Variants in CADM2 observed in about 807,000 individuals in gnomAD.
CADM2 encodes cell adhesion molecule 2.
A neutral mutation model predicts 49.8 loss-of-function variants in CADM2; 12 were observed. That is an observed-to-expected ratio of 0.24 (90% CI 0.15 to 0.39). The LOEUF (loss-of-function observed/expected upper bound fraction) is 0.39. Among genes scored for constraint, CADM2 ranks in the 10% least tolerant of loss-of-function variants. CADM2 has a pLI of 1.00. For synonymous variants in CADM2, 214 were observed against 175.4 expected (o/e 1.22, Z -1.74); for missense variants, 378 against 492.3 (o/e 0.77, Z 2.20).
chr3:85,165,259 CTG>C (rs2040438842), intron 1 of CADM2, among the ~76,000 whole-genome samples: 1 of 151,872 alleles, frequency 6.6e-6, no homozygotes, highest in Non-Finnish European at 1.5e-5. Context: ...CTCCATCTCT[CTG>C]TGAGACGATA....
At chr3:85,096,919 C>CT in intron 1 of CADM2, among the ~76,000 whole-genome samples, 1 of 151,996 alleles carries the variant, frequency 6.6e-6, no homozygotes, top group Admixed American at 6.6e-5. Context: ...TTAGTTTTAC[C>CT]TTTTATGTTT....
At chr3:85,243,729 G>GA (rs1174779726) in intron 1 of CADM2, among the ~76,000 whole-genome samples, 2 of 151,986 alleles carry the variant, frequency 1.3e-5, no homozygotes, top group East Asian at 3.9e-4. Flanking sequence ...TAATAAAGGA[G>GA]AAAAAATTAA....
intron 3 of CADM2, among the ~76,000 whole-genome samples, chr3:85,806,198 GGAAGGAAA>G (rs2072407714): frequency 6.6e-6 from 1 of 150,458 alleles, no homozygotes; most frequent in Non-Finnish European, 1.5e-5. Flanking sequence ...GAGGAAGGAA[GGAAGGAAA>G]GAAGGAAGGA....
intron 1 of CADM2, among the ~76,000 whole-genome samples, chr3:85,078,136 G>A (rs919680912): frequency 6.6e-6 from 1 of 151,976 alleles, no homozygotes; most frequent in Non-Finnish European, 1.5e-5. Context: ...CATTTAGTAA[G>A]GGATAAATGG....
intron 7 of CADM2, among the ~76,000 whole-genome samples, chr3:85,939,380 C>T (rs888888864): frequency 2.6e-5 from 4 of 151,576 alleles, no homozygotes; most frequent in South Asian, 4.2e-4. Flanking sequence ...TTTCAAGTCC[C>T]CAGAGTTTTT....
chr3:85,830,867 G>C (rs928502078), intron 3 of CADM2, among the ~76,000 whole-genome samples: 15 of 150,218 alleles, frequency 1.0e-4, no homozygotes, highest in Non-Finnish European at 1.8e-4. Flanking sequence ...GGCCCAGGGG[G>C]TACATGTGCA....
At chr3:85,742,095 CATT>C (rs2068415282) in intron 2 of CADM2, among the ~76,000 whole-genome samples, 2 of 152,172 alleles carry the variant, frequency 1.3e-5, no homozygotes, top group African/African-American at 4.8e-5. Context: ...CTTATGGTCA[CATT>C]ATAGAATACA....
intron 1 of CADM2, among the ~76,000 whole-genome samples, chr3:85,661,060 G>T (rs946558074): frequency 1.3e-5 from 2 of 152,130 alleles, no homozygotes; most frequent in African/African-American, 2.4e-5. Context: ...GAATTGTATT[G>T]CATGAGGCAA....
At chr3:84,975,127 G>A (rs1321379403) in intron 1 of CADM2, among the ~76,000 whole-genome samples, 3 of 151,914 alleles carry the variant, frequency 2.0e-5, no homozygotes, top group East Asian at 3.9e-4. Context: ...TAGGCTGTCT[G>A]TTAATCTTTT....
chr3:85,196,163 T>A (rs2041338841), intron 1 of CADM2, among the ~76,000 whole-genome samples: 1 of 152,038 alleles, frequency 6.6e-6, no homozygotes, highest in African/African-American at 2.4e-5. Context: ...ATTGCCAAAC[T>A]TTTTTCTACC....
intron 1 of CADM2, among the ~76,000 whole-genome samples, chr3:85,309,449 T>C (rs1036823948): frequency 1.3e-5 from 2 of 152,142 alleles, no homozygotes; most frequent in African/African-American, 4.8e-5. Context: ...CAATTTTTGC[T>C]TTTGAAAATG....
chr3:85,702,683 A>G (rs1363263809), intron 1 of CADM2, among the ~76,000 whole-genome samples: 1 of 152,130 alleles, frequency 6.6e-6, no homozygotes, highest in Non-Finnish European at 1.5e-5. Flanking sequence ...TATTTTTTTC[A>G]TGAATTTTCC....
rs983852253 is a variant in CADM2 at position 85,220,752 on chromosome 3, G to C, written c.61+261084G>C. On this transcript the variant is annotated intron_variant, in intron 1 of 9. Transcript: ENST00000383699. ...TGGGAGAACTTGAATACCGCCTTAG[G>C]AGAAATGATCAGGGTTACTGAGAAG... Among the ~76,000 whole-genome samples the C allele has an allele frequency of 1.3e-5, 2 of 152,182 alleles. 1 individual carries two copies.
chr3:85,622,429 T>G (rs925353910), intron 1 of CADM2, among the ~76,000 whole-genome samples: 2 of 152,178 alleles, frequency 1.3e-5, no homozygotes, highest in African/African-American at 4.8e-5. Flanking sequence ...GAATAGGATG[T>G]GAGAAGAATC....
intron 1 of CADM2, among the ~76,000 whole-genome samples, chr3:85,624,828 G>A (rs1449306441): frequency 6.6e-6 from 1 of 151,850 alleles, no homozygotes; most frequent in Non-Finnish European, 1.5e-5. Context: ...TTTTTTGTGG[G>A]TATTTAGTAG....
intron 3 of CADM2, among the ~76,000 whole-genome samples, chr3:85,856,869 T>G (rs1457856434): frequency 6.6e-6 from 1 of 152,204 alleles, no homozygotes; most frequent in Non-Finnish European, 1.5e-5. Flanking sequence ...TCTCCCATTT[T>G]GTGTCGGGGT....
chr3:85,876,703 T>C (rs902004321), intron 3 of CADM2, among the ~76,000 whole-genome samples: 1 of 152,140 alleles, frequency 6.6e-6, no homozygotes, highest in South Asian at 2.1e-4. Flanking sequence ...TTTATAAATA[T>C]AACACTTAAG....
At chr3:85,791,205 A>T (rs983555903) in intron 2 of CADM2, among the ~76,000 whole-genome samples, 2 of 152,162 alleles carry the variant, frequency 1.3e-5, no homozygotes, top group Admixed American at 6.5e-5. Flanking sequence ...ATGATAGAGC[A>T]TTCATTGCAC....
At chr3:85,847,105 T>G (rs540685668) in intron 3 of CADM2, among the ~76,000 whole-genome samples, 10 of 152,178 alleles carry the variant, frequency 6.6e-5, no homozygotes, top group Non-Finnish European at 1.0e-4. Context: ...TTAGGGCAAA[T>G]ACCAGTAATG....
Sources: gnomAD v4.1 joint callset for allele counts (sites outside exome capture counted in the v4.1 genomes callset) on GRCh38, gnomAD v4.1.1 for gene constraint, MANE v1.5 for transcripts, NCBI Gene and HGNC (gene_info 2026-07-23, HGNC 2026-07-21) for gene names.